The following PANK4 variants were observed in gnomAD, a reference collection of about 807,000 sequenced individuals.
PANK4 encodes the protein 4'-phosphopantetheine phosphatase.
Under a neutral mutation model 87.9 loss-of-function variants are expected in PANK4, and 40 were observed. That is an observed-to-expected ratio of 0.46 (90% CI 0.35 to 0.59). The LOEUF (loss-of-function observed/expected upper bound fraction) is 0.59. Ranked by LOEUF, PANK4 falls within the 20% of genes least tolerant of loss-of-function variation. The pLI is 0.00. For missense variants in PANK4, 926 were observed against 1,072.3 expected, an observed-to-expected ratio of 0.86 and a Z score of 1.90; for synonymous variants, 524 against 467.4, an observed-to-expected ratio of 1.12 and a Z score of -1.56.
chr1:2,519,128 C>T lies in PANK4; in HGVS notation c.1035+15G>A, dbSNP rs367879551. On this transcript the variant is annotated intron_variant, in intron 7 of 18. Transcript: ENST00000378466. The surrounding 1 kb of genome is among the most constrained non-coding windows in gnomAD (Gnocchi z 8.3). ...GGTCTGCGTTAGAGGCTGGGGAGGG[C>T]GGCGCATCCGTTACCTTGGAGAAGA... is the stretch of plus-strand genomic sequence containing the variant. 6.0e-5 allele frequency: 96 copies of T among 1,604,722 alleles called. No homozygotes were observed. Among genetic ancestry groups the T allele is most frequent in the South Asian group, 2.5e-4 (23 of 90,330 alleles).
intron 1 of PANK4, among the ~76,000 whole-genome samples, chr1:2,522,221 G>A (rs966701229): frequency 6.6e-6 from 1 of 152,154 alleles, no homozygotes; most frequent in Non-Finnish European, 1.5e-5. Flanking sequence ...GTACACCCTC[G>A]ACCGTCCCTG....
At chr1:2,521,965 G>C (rs1489278167) in intron 1 of PANK4, 165 bp from the exon 2 acceptor site, 1 of 602,498 alleles carries the variant, frequency 1.7e-6, no homozygotes, top group Non-Finnish European at 3.0e-6. Flanking sequence ...AGAGAGGACA[G>C]GAAAACGAAC....
chr1:2,513,839 G>A (rs1198837975), intron 12 of PANK4, among the ~76,000 whole-genome samples, 163 bp downstream of exon 12: 2 of 152,232 alleles, frequency 1.3e-5, no homozygotes, highest in African/African-American at 4.8e-5. Context: ...GCCAACAGAG[G>A]CCCTGGCTAT....
Position 2,519,991 on chromosome 1 carries a change from G to A in PANK4, c.700-37C>T. On this transcript the variant is annotated intron_variant, in intron 5 of 18. Transcript: ENST00000378466. This position sits in a 1 kb window ranked among gnomAD's most constrained non-coding sequence, Gnocchi z 8.3. ...GGCGAGGGGGCGGGTGAGGCGCCAG[G>A]AGCTGCTGGAATCCCCACGACCCCA... The A allele has an allele frequency of 1.3e-6, 2 of 1,516,032 alleles. No homozygotes were observed. The highest frequency in any genetic ancestry group is 1.8e-6 in the Non-Finnish European group (2 of 1,125,434). 93.9% of individuals were successfully genotyped at this position (1,516,032 alleles called of 1,614,324 possible). A position where few individuals can be genotyped will look rare whatever the true frequency, so the allele number is the denominator to read the frequency against.
Position 2,510,158 on chromosome 1 carries a change from C to CT in PANK4, c.1939-2dup. On this transcript the variant is annotated splice_acceptor_variant, in intron 16 of 18. Transcript: ENST00000378466. LOFTEE classifies it high-confidence loss of function. The surrounding 1 kb of genome is among the most constrained non-coding windows in gnomAD (Gnocchi z 4.9). ...GGCCTGAGTTGCACGCCAGGATGAC[C>CT]TGCAGGAGGAGGGCCCAGGCTCTTT... is the stretch of plus-strand genomic sequence containing the variant. The CT allele has an allele frequency of 6.3e-7, 1 of 1,588,728 alleles. No homozygotes were observed. The highest frequency in any genetic ancestry group is 8.6e-7 in the Non-Finnish European group (1 of 1,162,986).
chr1:2,523,073 G>A (rs1012743896), intron 1 of PANK4, among the ~76,000 whole-genome samples: 2 of 152,032 alleles, frequency 1.3e-5, no homozygotes, highest in African/African-American at 4.8e-5. Flanking sequence ...TGAGGCTAAA[G>A]TTATTTTCAA....
Position 2,519,042 on chromosome 1 carries a change from C to A in PANK4, c.1035+101G>T. On this transcript the variant is annotated intron_variant, in intron 7 of 18. Coordinates refer to ENST00000378466, the MANE Select transcript of PANK4 (RefSeq NM_018216.4). This position sits in a 1 kb window ranked among gnomAD's most constrained non-coding sequence, Gnocchi z 8.3. ...GCTGGGCTTCTTGGCCCCCACCCTC[C>A]AGGCCTCCCTGGGGGTGCTGCGGTG... 8.7e-7 allele frequency: 1 copy of A among 1,149,096 alleles called. No individual in the cohort carries two copies. Among genetic ancestry groups the A allele is most frequent in the Admixed American group, 2.2e-5 (1 of 46,234 alleles). The allele number at this position is 1,149,096 out of a possible 1,614,324, so 71.2% of individuals were successfully genotyped here. A position where few individuals can be genotyped will look rare whatever the true frequency, so the allele number is the denominator to read the frequency against.
In PANK4 at chr1:2,508,881, C is replaced by G; in HGVS notation, c.2288G>C (p.Ser763Thr). 1 of 1,606,788 alleles carries G rather than the reference C, an allele frequency of 6.2e-7. No individual in the cohort carries two copies. Among genetic ancestry groups the G allele is most frequent in the Non-Finnish European group, 8.5e-7 (1 of 1,176,806 alleles). The change falls in exon 19 of 19, where the codon AGC (serine) becomes ACC (threonine). Residue 763 changes from serine (S) to threonine (T), a missense_variant. By Grantham distance (58) the Ser-to-Thr change is moderately conservative. Transcript: ENST00000378466. The surrounding 1 kb of genome is among the most constrained non-coding windows in gnomAD (Gnocchi z 5.1). ...LAERLGGRLF[S>T]VIFKYEVPAE ...TGGGACCTCGTACTTGAAGATGACG[C>G]TGAAGAGCCGGCCGCCCAGCCGCTC...
At position 2,509,000 on chromosome 1, in the gene PANK4, G is replaced by A. The variant is rs1234065580; in HGVS notation, c.2169C>T (p.Ile723=). 1.1e-5 allele frequency: 17 copies of A among 1,607,094 alleles called. No individual in the cohort carries two copies. The highest frequency in any genetic ancestry group is 2.2e-5 in the East Asian group (1 of 44,834). ...TGTGGACAGCACGGCCCATGCCCTCGATGACCACCAGATCCGCGCCACGCT... is the reference window on the plus strand; with the variant it reads ...TGTGGACAGCACGGCCCATGCCCTCAATGACCACCAGATCCGCGCCACGCT... ...VRERGADLVV[I]EGMGRAVHTN... is the part of the protein sequence containing the mutation. Residue 723 remains isoleucine, a synonymous_variant, in exon 19 of 19, where the codon ATC becomes ATT. Transcript: ENST00000378466. This position sits in a 1 kb window ranked among gnomAD's most constrained non-coding sequence, Gnocchi z 5.1.
rs746374506 is a variant in PANK4 at position 2,519,846 on chromosome 1, T to A, written c.808A>T (p.Asn270Tyr). ...TTCCCGAAGCTGCTGGCGATGAGGTTCCCGCTCAGCCCGAGAGTCTGGTGG... is the reference window on the plus strand; with the variant it reads ...TTCCCGAAGCTGCTGGCGATGAGGTACCCGCTCAGCCCGAGAGTCTGGTGG... ...GAHQTLGLSG[N>Y]LIASSFGKSA... Residue 270 changes from asparagine to tyrosine, a missense_variant, in exon 6 of 19, where the codon AAC (asparagine) becomes TAC (tyrosine). Transcript: ENST00000378466. The surrounding 1 kb of genome is among the most constrained non-coding windows in gnomAD (Gnocchi z 8.3). The A allele has an allele frequency of 6.3e-7, 1 of 1,576,900 alleles. No individual in the cohort carries two copies. Among genetic ancestry groups the A allele is most frequent in the South Asian group, 1.2e-5 (1 of 86,512 alleles).
At chr1:2,523,036 G>A (rs370283881) in intron 1 of PANK4, among the ~76,000 whole-genome samples, 1 of 152,206 alleles carries the variant, frequency 6.6e-6, no homozygotes, top group African/African-American at 2.4e-5. Context: ...GACAAAAAGA[G>A]GCAAAAATCC....
rs1424097228 is a variant in PANK4 at position 2,509,920 on chromosome 1, G to A, written c.2050C>T (p.Gln684Ter). The change falls in exon 18 of 19, where the codon CAG becomes TAG. Residue 684 changes from glutamine (Q) to a stop codon, truncating the protein, a stop_gained. Transcript: ENST00000378466. LOFTEE classifies it high-confidence loss of function. The surrounding 1 kb of genome is among the most constrained non-coding windows in gnomAD (Gnocchi z 4.9). The part of the protein sequence containing the change: ...GMDPVVHSAL[Q>*]EERLLLVQTG... ...TGCACCAGCAGCAGCCTCTCTTCCT[G>A]GAGCGCAGAGCTGCCAGATACAAGG... 1.9e-6 allele frequency: 3 copies of A among 1,611,806 alleles called. No individual in the cohort carries two copies. The East Asian group carries it at 6.7e-5, about 36-fold the overall frequency.
At position 2,519,781 on chromosome 1, in the gene PANK4, G is replaced by A; in HGVS notation, c.853+20C>T. The stretch of plus-strand genomic sequence containing the variant: ...GTCCCCACCATCCTGCTCTCTGGCG[G>A]CAGAGGCCGGGGTGAGCACCTTGGT... On this transcript the variant is annotated intron_variant, in intron 6 of 18. Coordinates refer to ENST00000378466, the MANE Select transcript of PANK4 (RefSeq NM_018216.4). The surrounding 1 kb of genome is among the most constrained non-coding windows in gnomAD (Gnocchi z 8.3). 1 of 1,556,840 alleles carries A rather than the reference G, an allele frequency of 6.4e-7. No homozygotes were observed. Among genetic ancestry groups the A allele is most frequent in the Non-Finnish European group, 8.7e-7 (1 of 1,151,716 alleles).
intron 15 of PANK4, 56 bp downstream of exon 15, chr1:2,511,282 C>T (rs766254319): frequency 1.7e-4 from 208 of 1,259,042 alleles, no homozygotes; most frequent in Non-Finnish European, 2.1e-4. Context: ...CCAGTGACCA[C>T]CCCCCCGGGC....
At position 2,519,038 on chromosome 1, in the gene PANK4, C is replaced by T. The variant is rs536247574; in HGVS notation, c.1035+105G>A. 2 of 1,099,316 alleles carry T rather than the reference C, an allele frequency of 1.8e-6. No individual in the cohort carries two copies. The highest frequency in any genetic ancestry group is 2.6e-6 in the Non-Finnish European group (2 of 756,546). 68.1% of individuals were successfully genotyped at this position (1,099,316 alleles called of 1,614,324 possible). A position where few individuals can be genotyped will look rare whatever the true frequency, so the allele number is the denominator to read the frequency against. On this transcript the variant is annotated intron_variant, in intron 7 of 18. Coordinates refer to ENST00000378466, the MANE Select transcript of PANK4 (RefSeq NM_018216.4). The surrounding 1 kb of genome is among the most constrained non-coding windows in gnomAD (Gnocchi z 8.3). ...GGGTGCTGGGCTTCTTGGCCCCCAC[C>T]CTCCAGGCCTCCCTGGGGGTGCTGC...
rs1643644635 is a variant in PANK4, at chr1:2,510,586, C to G, written c.1938+92G>C. ...ACCTACCTGCTGCGTCCGGAGGAGCCCCGACCACCGCCAGAGGCCCACAGC... is the reference window on the plus strand; with the variant it reads ...ACCTACCTGCTGCGTCCGGAGGAGCGCCGACCACCGCCAGAGGCCCACAGC... On this transcript the variant is annotated intron_variant, in intron 16 of 18. Coordinates refer to ENST00000378466, the MANE Select transcript of PANK4 (RefSeq NM_018216.4). This position sits in a 1 kb window ranked among gnomAD's most constrained non-coding sequence, Gnocchi z 4.9. 1.3e-6 allele frequency: 1 copy of G among 781,420 alleles called. No individual in the cohort carries two copies. Among genetic ancestry groups the G allele is most frequent in the Non-Finnish European group, 2.2e-6 (1 of 452,778 alleles). The allele number at this position is 781,420 out of a possible 1,614,324, so 48.4% of individuals were successfully genotyped here.
rs1643755876 is a variant in PANK4 at position 2,515,586 on chromosome 1, G to A, written c.1350C>T (p.Thr450=). Residue 450 remains threonine, a synonymous_variant, in exon 10 of 19, where the codon ACC becomes ACT. Transcript: ENST00000378466. The surrounding 1 kb of genome is among the most constrained non-coding windows in gnomAD (Gnocchi z 5.0). ...CCCCGTCCAGGGCCTCCTCAAAGCA[G>A]GTGAGCCAGTATTTTCGGGCCAGAG... ...DDALARKYWL[T]CFEEALDGVV... 32 of 1,613,026 alleles carry A rather than the reference G, an allele frequency of 2.0e-5. No homozygotes were observed. The East Asian group carries it at 6.9e-4, about 35-fold the overall frequency.
chr1:2,522,271 G>A (rs183185542), intron 1 of PANK4, among the ~76,000 whole-genome samples: 11 of 152,308 alleles, frequency 7.2e-5, no homozygotes, highest in African/African-American at 1.7e-4. Context: ...GGGCGGTAAC[G>A]GGGCCTGAGC....
chr1:2,526,374 T>G, intron 1 of PANK4, 90 bp downstream of exon 1: 10 of 709,196 alleles, frequency 1.4e-5, no homozygotes, highest in Non-Finnish European at 1.7e-5. Context: ...GCCCCCGCCC[T>G]TCGTCCTTCC....
Sources: allele counts gnomAD v4.1 joint callset (sites outside exome capture counted in the v4.1 genomes callset), GRCh38; gene constraint gnomAD v4.1.1; non-coding constraint Gnocchi (gnomAD v3.1); transcripts MANE v1.5; gene names NCBI Gene and HGNC (gene_info 2026-07-23, HGNC 2026-07-21).